Variants in RETREG3 observed in about 807,000 individuals in gnomAD.
The protein encoded by RETREG3 is reticulophagy regulator 3.
Under a neutral mutation model 50.2 loss-of-function variants are expected in RETREG3, and 23 were observed. The observed-to-expected ratio is 0.46, with a 90% CI of 0.33 to 0.65. The LOEUF is 0.65. Among genes scored for constraint, RETREG3 ranks in the 30% least tolerant of loss-of-function variants. The probability of loss-of-function intolerance (pLI) is 0.02; values close to 1 mark genes in which losing one functional copy is unlikely to be tolerated. For synonymous variants in RETREG3, 240 were observed against 234.4 expected, an observed-to-expected ratio of 1.02 and a Z score of -0.22; for missense variants, 546 against 598.0, an observed-to-expected ratio of 0.91 and a Z score of 0.91.
rs1238079118 is a variant in RETREG3, at chr17:42,607,906, T to C, written c.239+1180A>G. ...TGCTAAAGGCTCTGGAAGCCACAAA[T>C]GCCAGAGACTACTGTGACACCTTTA... On this transcript the variant is annotated intron_variant, in intron 1 of 8. Transcript: ENST00000309428. 2.6e-5 allele frequency among the ~76,000 whole-genome samples: 4 copies of C among 152,136 alleles called. No individual in the cohort carries two copies. In the East Asian group the frequency reaches 7.7e-4, roughly 29 times the overall value.
At chr17:42,600,327 A>T (rs2093156245) in intron 1 of RETREG3, among the ~76,000 whole-genome samples, 1 of 152,108 alleles carries the variant, frequency 6.6e-6, no homozygotes, top group African/African-American at 2.4e-5. Flanking sequence ...GGTTGCAGTG[A>T]GCTCTGATTG....
intron 2 of RETREG3, among the ~76,000 whole-genome samples, chr17:42,591,758 T>C (rs1287160078): frequency 6.6e-6 from 1 of 152,146 alleles, no homozygotes; most frequent in Non-Finnish European, 1.5e-5. Flanking sequence ...CCAATAACGA[T>C]AATTTATTAT....
chr17:42,596,359 C>CAAAAAAAAAAAAAAAAAAAAAAAA (rs60457978), intron 1 of RETREG3, among the ~76,000 whole-genome samples: 1 of 64,728 alleles, frequency 1.5e-5, no homozygotes, highest in African/African-American at 6.6e-5. Context: ...GACCCTTTCT[C>CAAAAAAAAAAAAAAAAAAAAAAAA]AAAAAAAAAA....
At chr17:42,592,358 A>G (rs1037716965) in intron 1 of RETREG3, among the ~76,000 whole-genome samples, 196 bp from the exon 2 acceptor site, 4 of 152,236 alleles carry the variant, frequency 2.6e-5, no homozygotes, top group Non-Finnish European at 5.9e-5. Context: ...TATGGGGCAG[A>G]GAAAATAATT....
chr17:42,596,874 T>TA (rs2093146264), intron 1 of RETREG3, among the ~76,000 whole-genome samples: 1 of 430 alleles, frequency 2.3e-3, no homozygotes, highest in Non-Finnish European at 4.1e-3. Flanking sequence ...TTTGGAAGAA[T>TA]TTTTTTTTTT....
Position 42,609,195 on chromosome 17 carries a change from C to G in RETREG3, c.130G>C (p.Glu44Gln). 1.2e-6 allele frequency: 2 copies of G among 1,609,214 alleles called. No individual in the cohort carries two copies. The highest frequency in any genetic ancestry group is 1.7e-6 in the Non-Finnish European group (2 of 1,179,772). The change falls in exon 1 of 9, where the codon GAG becomes CAG. Residue 44 changes from glutamate (E) to glutamine (Q), a missense_variant. Transcript: ENST00000309428. ...QVEAAQRALV[E>Q]VLGPYEPLLS... is the part of the protein sequence containing the mutation. ...AGAGGCTCGTAAGGCCCCAGCACCT[C>G]CACCAGGGCCCGCTGCGCCGCCTCA...
chr17:42,592,570 T>C (rs536839635), intron 1 of RETREG3, among the ~76,000 whole-genome samples: 1 of 152,214 alleles, frequency 6.6e-6, no homozygotes, highest in Admixed American at 6.5e-5. Flanking sequence ...TTTAATTCAA[T>C]TACATATCTT....
Position 42,609,105 on chromosome 17 carries a change from C to T in RETREG3, c.220G>A (p.Gly74Arg). The T allele has an allele frequency of 1.2e-6, 2 of 1,607,410 alleles. No homozygotes were observed. The highest frequency in any genetic ancestry group is 4.5e-5 in the East Asian group (2 of 44,862). Residue 74 changes from glycine (G) to arginine (R), a missense_variant, in exon 1 of 9, where the codon GGG becomes AGG. Coordinates refer to ENST00000309428, the MANE Select transcript of RETREG3 (RefSeq NM_178126.4). ...RPARSALWCL[G>R]LNAAFWFFAL... Reference sequence around the variant, plus strand: ...TCTCACCAGAAAGCCGCGTTCAGCCCCAGGCACCACAGAGCGCTCCTAGCT... The same window carrying T: ...TCTCACCAGAAAGCCGCGTTCAGCCTCAGGCACCACAGAGCGCTCCTAGCT...
In RETREG3 at chr17:42,582,130, G is replaced by C. The variant is rs780642860; in HGVS notation, c.1084C>G (p.Pro362Ala). 2.0e-5 allele frequency: 32 copies of C among 1,614,118 alleles called. No homozygotes were observed. The highest frequency in any genetic ancestry group is 2.6e-5 in the Non-Finnish European group (31 of 1,180,018). ...GGGGCCTGGGGCTCCTCAGCCCCTG[G>C]CGGAGAACGGTACATCAAGCTGGGC... ...GMPSLMYRSP[P>A]GAEEPQAPPA... Residue 362 changes from proline (P) to alanine (A), a missense_variant, in exon 9 of 9, where the codon CCA (proline) becomes GCA (alanine). Transcript: ENST00000309428.
At chr17:42,606,205 T>C (rs2093167581) in intron 1 of RETREG3, among the ~76,000 whole-genome samples, 1 of 152,076 alleles carries the variant, frequency 6.6e-6, no homozygotes, top group African/African-American at 2.4e-5. Flanking sequence ...AAACATAGCA[T>C]GTTAATAAGC....
intron 3 of RETREG3, among the ~76,000 whole-genome samples, chr17:42,587,291 C>G (rs1324030519): frequency 6.6e-6 from 1 of 152,072 alleles, no homozygotes; most frequent in Admixed American, 6.6e-5. Flanking sequence ...GTGGATGTGC[C>G]CCTTAGAAAG....
chr17:42,590,166 T>C (rs2093129704), intron 2 of RETREG3, among the ~76,000 whole-genome samples: 1 of 152,232 alleles, frequency 6.6e-6, no homozygotes, highest in African/African-American at 2.4e-5. Flanking sequence ...ATCGCGCCAC[T>C]GCACTCCAGC....
intron 7 of RETREG3, 149 bp from the exon 8 acceptor site, chr17:42,582,955 T>A: frequency 9.8e-7 from 1 of 1,022,836 alleles, no homozygotes; most frequent in Admixed American, 2.7e-5. Context: ...CGTTGAAAAC[T>A]CCCTCTCCCC....
chr17:42,603,619 C>A (rs1324549571), intron 1 of RETREG3, among the ~76,000 whole-genome samples: 3 of 152,158 alleles, frequency 2.0e-5, no homozygotes, highest in Non-Finnish European at 4.4e-5. Flanking sequence ...GTCTTCTCGG[C>A]TCACAAAGAC....
rs1312575588 is a variant in RETREG3 at position 42,579,959 on chromosome 17, A to G, written c.*1854T>C. On this transcript the variant is annotated 3_prime_UTR_variant, in exon 9 of 9. Transcript: ENST00000309428. ...CAGTACATGAAAACAGGCTCTGTCC[A>G]ACATCCCTCACCCAAGTACAGGGGT... The G allele has an allele frequency of 6.5e-6, 1 of 152,936 alleles. No individual in the cohort carries two copies. The allele number at this position is 152,936 out of a possible 1,614,324, so 9.5% of individuals were successfully genotyped here.
chr17:42,582,804 C>G lies in RETREG3; in HGVS notation c.813G>C (p.Leu271=). ...EEELAAFCPQ[L]DDSTVARELA... is the part of the protein sequence containing the mutation. ...ATTCCCTGGCAACAGTAGAATCGTC[C>G]AGCTTAGGAAAAGACCAACAAATGT... Residue 271 remains leucine (L), a splice_region_variant and synonymous_variant, in exon 8 of 9, where the codon CTG becomes CTC. Coordinates refer to ENST00000309428, the MANE Select transcript of RETREG3 (RefSeq NM_178126.4). 5 of 1,614,166 alleles carry G rather than the reference C, an allele frequency of 3.1e-6. No homozygotes were observed. The highest frequency in any genetic ancestry group is 4.2e-6 in the Non-Finnish European group (5 of 1,180,036).
intron 6 of RETREG3, among the ~76,000 whole-genome samples, chr17:42,583,930 C>G (rs1262833856): frequency 6.6e-6 from 1 of 152,174 alleles, no homozygotes; most frequent in African/African-American, 2.4e-5. Flanking sequence ...GTCTCAGCCT[C>G]CTGAGTAGCT....
Position 42,609,236 on chromosome 17 carries a change from T to C in RETREG3, c.89A>G (p.Glu30Gly). The C allele has an allele frequency of 2.5e-6, 4 of 1,607,586 alleles. No homozygotes were observed. Among genetic ancestry groups the C allele is most frequent in the Non-Finnish European group, 3.4e-6 (4 of 1,179,688 alleles). The change falls in exon 1 of 9, where the codon GAG becomes GGG. Residue 30 changes from glutamate to glycine, a missense_variant. Coordinates refer to ENST00000309428, the MANE Select transcript of RETREG3 (RefSeq NM_178126.4). ...CGCCGCCTCAACCTGCTGGTCCCGC[T>C]CCCAGGAGCCTGACACATCTCGGCG... ...RGRRDVSGSWERDQQVEAAQR... is the reference protein window; with the variant it reads ...RGRRDVSGSWGRDQQVEAAQR...
At chr17:42,605,918 G>A (rs2093167070) in intron 1 of RETREG3, among the ~76,000 whole-genome samples, 1 of 150,720 alleles carries the variant, frequency 6.6e-6, no homozygotes, top group Admixed American at 6.6e-5. Context: ...TTGAACTTAG[G>A]AGGTGGAAGT....
Sources: allele counts gnomAD v4.1 joint callset (sites outside exome capture counted in the v4.1 genomes callset), GRCh38; gene constraint gnomAD v4.1.1; transcripts MANE v1.5; gene names NCBI Gene and HGNC (gene_info 2026-07-23, HGNC 2026-07-21).